The following GAB4 variants were observed in gnomAD, a reference collection of about 807,000 sequenced individuals.
GAB4 encodes the protein GRB2-associated-binding protein 4.
GAB4 carries 26 observed loss-of-function variants against 51.3 expected under a neutral mutation model. The ratio of observed to expected loss-of-function variants is 0.51; its 90% CI spans 0.37 to 0.70. The LOEUF is 0.70. Among genes scored for constraint, GAB4 ranks in the 30% least tolerant of loss-of-function variants. GAB4 has a pLI of 0.00. For synonymous variants in GAB4, 329 were observed against 291.2 expected (o/e 1.13, Z -1.32); for missense variants, 759 against 734.6 (o/e 1.03, Z -0.38).
At position 16,965,265 on chromosome 22, in the gene GAB4, T is replaced by G. The variant is rs1569088252; in HGVS notation, c.1292A>C (p.Asn431Thr). ...NRSLKPNQKA[N>T]PTPPNLRNNR... ...GTTTCTCAGGTTGGGCGGTGTTGGG[T>G]TGGCTGGAGCAGGAAAAGAACCTTG... The change falls in exon 7 of 10, where the codon AAC (asparagine) becomes ACC (threonine). Residue 431 changes from asparagine (N) to threonine (T), a missense_variant. By Grantham distance (65) the Asn-to-Thr change is moderately conservative. Coordinates refer to ENST00000400588, the MANE Select transcript of GAB4 (RefSeq NM_001037814.1). 1 of 1,613,576 alleles carries G rather than the reference T, an allele frequency of 6.2e-7. No homozygotes were observed. Among genetic ancestry groups the G allele is most frequent in the Admixed American group, 1.7e-5 (1 of 59,986 alleles).
intron 1 of GAB4, among the ~76,000 whole-genome samples, chr22:16,994,460 A>C (rs1342310441): frequency 6.6e-6 from 1 of 152,206 alleles, no homozygotes; most frequent in Non-Finnish European, 1.5e-5. Context: ...CTGTGTGTAC[A>C]TGGTGCAGGT....
chr22:16,985,164 G>C (rs1387119737), intron 3 of GAB4, among the ~76,000 whole-genome samples: 1 of 152,064 alleles, frequency 6.6e-6, no homozygotes, highest in Non-Finnish European at 1.5e-5. Flanking sequence ...CCTTTACCAG[G>C]GTCCCTGTAT....
intron 1 of GAB4, among the ~76,000 whole-genome samples, chr22:16,994,688 T>C (rs1202436197): frequency 6.6e-6 from 1 of 152,234 alleles, no homozygotes; most frequent in Non-Finnish European, 1.5e-5. Flanking sequence ...TTGAAGTAGA[T>C]TTCTTAGAAG....
At position 16,962,789 on chromosome 22, in the gene GAB4, G is replaced by T. The variant is rs368401586; in HGVS notation, c.1669C>A (p.His557Asn). 1 of 1,613,578 alleles carries T rather than the reference G, an allele frequency of 6.2e-7. No homozygotes were observed. Among genetic ancestry groups the T allele is most frequent in the Non-Finnish European group, 8.5e-7 (1 of 1,179,978 alleles). ...GACTGCCGCAGGCACATCTGTTCAT[G>T]CATGGTCTTCTGCAGGGCCTGGGTC... Reference protein sequence around the residue: ...EKTQALQKTMHEQMCLRQSSE... With the variant: ...EKTQALQKTMNEQMCLRQSSE... The change falls in exon 10 of 10, where the codon CAT becomes AAT. Residue 557 changes from histidine to asparagine, a missense_variant. By Grantham distance (68) the His-to-Asn change is moderately conservative. Transcript: ENST00000400588.
chr22:16,999,674 T>C (rs2060979991), intron 1 of GAB4, among the ~76,000 whole-genome samples: 1 of 152,214 alleles, frequency 6.6e-6, no homozygotes, highest in African/African-American at 2.4e-5. Context: ...ATTTCTTGCC[T>C]TCTGCTAGCT....
At chr22:16,965,319 T>C in intron 6 of GAB4, 51 bp from the exon 7 acceptor site, 1 of 1,425,614 alleles carries the variant, frequency 7.0e-7, no homozygotes, top group Non-Finnish European at 9.9e-7. Flanking sequence ...ACCACACCCA[T>C]GTCCACTTTG....
At chr22:16,981,953 C>G (rs2060830755) in intron 3 of GAB4, among the ~76,000 whole-genome samples, 1 of 152,066 alleles carries the variant, frequency 6.6e-6, no homozygotes. Context: ...GATTCAAAAA[C>G]AAAAACCATA....
chr22:16,964,015 C>T (rs773961486), intron 8 of GAB4, among the ~76,000 whole-genome samples, 186 bp from the exon 9 acceptor site: 1 of 152,144 alleles, frequency 6.6e-6, no homozygotes, highest in Non-Finnish European at 1.5e-5. Flanking sequence ...CTGTGCCTCT[C>T]CTTCACACAC....
intron 5 of GAB4, 158 bp from the exon 6 acceptor site, chr22:16,966,522 G>A (rs761083475): frequency 3.5e-5 from 26 of 740,542 alleles, no homozygotes; most frequent in Middle Eastern, 3.6e-4. Flanking sequence ...AGCCACCTGC[G>A]GCCCAGATAG....
intron 6 of GAB4, 39 bp from the exon 7 acceptor site, chr22:16,965,307 A>C (rs762044867): frequency 6.6e-7 from 1 of 1,507,806 alleles, no homozygotes. Flanking sequence ...GCCAGTGATG[A>C]CACCACACCC....
At chr22:17,004,850 T>G (rs1365118120) in intron 1 of GAB4, among the ~76,000 whole-genome samples, 1 of 152,176 alleles carries the variant, frequency 6.6e-6, no homozygotes, top group Non-Finnish European at 1.5e-5. Context: ...ATGGAACATA[T>G]CTCAAAATAA....
intron 2 of GAB4, among the ~76,000 whole-genome samples, chr22:16,990,333 G>A (rs1299685449): frequency 6.6e-6 from 1 of 152,322 alleles, no homozygotes; most frequent in African/African-American, 2.4e-5. Context: ...AGTGAGGGCA[G>A]AGATTTCATC....
At chr22:16,982,547 C>T (rs1014735028) in intron 3 of GAB4, among the ~76,000 whole-genome samples, 1 of 152,126 alleles carries the variant, frequency 6.6e-6, no homozygotes, top group African/African-American at 2.4e-5. Flanking sequence ...ATCACATGAT[C>T]ATGATTGCAA....
intron 3 of GAB4, among the ~76,000 whole-genome samples, chr22:16,975,997 A>T (rs190024681): frequency 3.3e-5 from 5 of 152,284 alleles, no homozygotes; most frequent in African/African-American, 1.2e-4. Flanking sequence ...AACAAAAAAA[A>T]ACATCCACAC....
At chr22:16,974,896 G>C (rs2060764157) in intron 3 of GAB4, among the ~76,000 whole-genome samples, 1 of 152,182 alleles carries the variant, frequency 6.6e-6, no homozygotes, top group African/African-American at 2.4e-5. Context: ...ACCTCACCAG[G>C]GAAGCACAAA....
intron 3 of GAB4, among the ~76,000 whole-genome samples, chr22:16,979,524 C>T (rs1016877576): frequency 5.3e-5 from 8 of 152,124 alleles, no homozygotes; most frequent in African/African-American, 1.9e-4. Flanking sequence ...AGAGAGGACA[C>T]AAACAAATGG....
In GAB4 at chr22:16,992,013, T is replaced by C. The variant is rs748122705; in HGVS notation, c.338A>G (p.Lys113Arg). The change falls in exon 2 of 10, where the codon AAG (lysine) becomes AGG (arginine). Residue 113 changes from lysine to arginine, a missense_variant. By Grantham distance (26) the Lys-to-Arg change is conservative. Around this residue, in one of 3 missense-constraint regions of GAB4, gnomAD observed 88 missense variants for 151.3 expected, o/e 0.58. Coordinates refer to ENST00000400588, the MANE Select transcript of GAB4 (RefSeq NM_001037814.1). Reference sequence around the variant, plus strand: ...AAACATATAGCCCTTCTGAATCTCCTTCTTGTTGAAGTTCAGAGTCACATC... The same window carrying C: ...AAACATATAGCCCTTCTGAATCTCCCTCTTGTTGAAGTTCAGAGTCACATC... ...DVDVTLNFNK[K>R]EIQKGYMFDI... The C allele has an allele frequency of 9.9e-6, 16 of 1,614,106 alleles. No individual in the cohort carries two copies. In the African/African-American group the frequency reaches 1.1e-4, roughly 11 times the overall value.
At chr22:16,986,153 G>A (rs1447506186) in intron 3 of GAB4, among the ~76,000 whole-genome samples, 1 of 152,182 alleles carries the variant, frequency 6.6e-6, no homozygotes, top group Non-Finnish European at 1.5e-5. Context: ...AGGTGGTGGT[G>A]GCTGTTAGTA....
At position 17,008,020 on chromosome 22, in the gene GAB4, C is replaced by G; in HGVS notation, c.95G>C (p.Gly32Ala). The G allele has an allele frequency of 6.2e-7, 1 of 1,610,432 alleles. No individual in the cohort carries two copies. Among genetic ancestry groups the G allele is most frequent in the Non-Finnish European group, 8.5e-7 (1 of 1,178,728 alleles). ...LSSWPGSGPAGGSTRSGHVLY... is the reference protein window; with the variant it reads ...LSSWPGSGPAAGSTRSGHVLY... ...CACGTGGCCACTTCTCGTGCTTCCG[C>G]CGGCGGGGCCACTTCCGGGCCACGA... Residue 32 changes from glycine to alanine, a missense_variant, in exon 1 of 10, where the codon GGC (glycine) becomes GCC (alanine). Physicochemically the swap from Gly to Ala is moderately conservative, Grantham distance 60. Coordinates refer to ENST00000400588, the MANE Select transcript of GAB4 (RefSeq NM_001037814.1).
Sources: gnomAD v4.1 joint callset for allele counts (sites outside exome capture counted in the v4.1 genomes callset) on GRCh38, gnomAD v4.1.1 for gene constraint, gnomAD v4.1.1 regional missense constraint, MANE v1.5 for transcripts, NCBI Gene and HGNC (gene_info 2026-07-23, HGNC 2026-07-21) for gene names.